The following MDGA2 variants were observed in gnomAD, a reference collection of about 807,000 sequenced individuals.
The protein encoded by MDGA2 is MAM domain containing glycosylphosphatidylinositol anchor 2.
In MDGA2, 40 loss-of-function variants were observed where a neutral mutation model predicts 117.8. That is an observed-to-expected ratio of 0.34 (90% CI 0.26 to 0.44). The LOEUF (loss-of-function observed/expected upper bound fraction) is 0.44. MDGA2 is among the 20% of genes least tolerant of loss of function. The pLI is 1.00. For missense variants in MDGA2, 1,123 were observed against 1,250.6 expected (o/e 0.90, Z 1.54); for synonymous variants, 452 against 439.0 (o/e 1.03, Z -0.37).
intron 4 of MDGA2, among the ~76,000 whole-genome samples, chr14:47,132,285 CAAAT>C (rs1882243416): frequency 6.6e-6 from 1 of 151,766 alleles, no homozygotes; most frequent in Non-Finnish European, 1.5e-5. Context: ...GAAGCGCCAA[CAAAT>C]GAAACACGGT....
At chr14:47,069,475 C>A (rs775240313) in intron 6 of MDGA2, among the ~76,000 whole-genome samples, 1 of 152,168 alleles carries the variant, frequency 6.6e-6, no homozygotes, top group Non-Finnish European at 1.5e-5. Flanking sequence ...CATTTGAGTT[C>A]TATCTATCAC....
At chr14:46,899,551 T>A (rs1330034989) in intron 10 of MDGA2, among the ~76,000 whole-genome samples, 1 of 151,620 alleles carries the variant, frequency 6.6e-6, no homozygotes, top group Non-Finnish European at 1.5e-5. Context: ...GAATATGCAC[T>A]CACCAAGAAT....
At chr14:46,849,196 A>G (rs1880963081) in intron 15 of MDGA2, among the ~76,000 whole-genome samples, 1 of 151,984 alleles carries the variant, frequency 6.6e-6, no homozygotes. Flanking sequence ...GTGATGATAA[A>G]GAATCTATTT....
Position 47,362,014 on chromosome 14 carries a change from T to C in MDGA2, c.281-60464A>G, listed in dbSNP as rs111892696. On this transcript the variant is annotated intron_variant, in intron 1 of 16. Transcript: ENST00000399232. ...TGTTTTAACATTATACTTTGCAAAA[T>C]AGAAAGTTTGTAACCTCCAATGAGA... Among the ~76,000 whole-genome samples, 47 of 152,288 alleles carry C rather than the reference T, an allele frequency of 3.1e-4. 2 individuals carry two copies. Among genetic ancestry groups the C allele is most frequent in the African/African-American group, 1.1e-3 (46 of 41,544 alleles).
At chr14:47,561,151 TTGTTTTGTTTTG>T (rs1426046138) in intron 1 of MDGA2, among the ~76,000 whole-genome samples, 3 of 93,806 alleles carry the variant, frequency 3.2e-5, no homozygotes, top group African/African-American at 9.9e-5. Flanking sequence ...GTTTTTTTTT[TTGTTTTGTTTTG>T]TTTTTTTGTT....
chr14:47,026,612 A>T (rs538644927), intron 8 of MDGA2, among the ~76,000 whole-genome samples: 2 of 152,130 alleles, frequency 1.3e-5, no homozygotes, highest in Non-Finnish European at 2.9e-5. Context: ...TATTATTATT[A>T]CCTTTGTGTT....
intron 10 of MDGA2, among the ~76,000 whole-genome samples, chr14:46,909,882 T>G (rs1343788083): frequency 2.0e-5 from 3 of 152,078 alleles, no homozygotes; most frequent in East Asian, 1.9e-4. Context: ...TAGCTTAAGA[T>G]CTGTAGAACA....
intron 9 of MDGA2, among the ~76,000 whole-genome samples, chr14:46,935,833 G>A (rs1434188841): frequency 6.6e-6 from 1 of 152,076 alleles, no homozygotes; most frequent in East Asian, 1.9e-4. Flanking sequence ...AAGTGTTTGG[G>A]TTGACATGGA....
chr14:47,441,677 A>G (rs1452819756), intron 1 of MDGA2, among the ~76,000 whole-genome samples: 1 of 152,192 alleles, frequency 6.6e-6, no homozygotes, highest in East Asian at 1.9e-4. Flanking sequence ...TCATGGGTAC[A>G]AACAACATAC....
intron 1 of MDGA2, among the ~76,000 whole-genome samples, chr14:47,474,929 T>C (rs1277472879): frequency 1.3e-5 from 2 of 152,052 alleles, no homozygotes; most frequent in African/African-American, 4.8e-5. Flanking sequence ...TGGGTGAAGA[T>C]TTCATGACGA....
At chr14:47,076,215 A>G (rs934414077) in intron 6 of MDGA2, among the ~76,000 whole-genome samples, 6 of 152,124 alleles carry the variant, frequency 3.9e-5, no homozygotes, top group Non-Finnish European at 8.8e-5. Context: ...AAGTTTAATT[A>G]TAACAGATGA....
At chr14:47,612,815 A>C (rs752972516) in intron 1 of MDGA2, among the ~76,000 whole-genome samples, 1 of 152,214 alleles carries the variant, frequency 6.6e-6, no homozygotes, top group Non-Finnish European at 1.5e-5. Context: ...ACAGAATAAA[A>C]TTCATATCTA....
Position 47,144,180 on chromosome 14 carries a change from G to A in MDGA2, c.690C>T (p.Ala230=), listed in dbSNP as rs764905496. ...YERTVFLRCV[A]NSNPPVRYSW... ...TATACCGAACAGGAGGATTGGAATTGGCAACACACCGGAGGAACACTGTTC... is the reference window on the plus strand; with the variant it reads ...TATACCGAACAGGAGGATTGGAATTAGCAACACACCGGAGGAACACTGTTC... The change falls in exon 4 of 17, where the codon GCC becomes GCT. Residue 230 remains alanine, a synonymous_variant. Coordinates refer to ENST00000399232, the MANE Select transcript of MDGA2 (RefSeq NM_001113498.3). The A allele has an allele frequency of 1.2e-5, 19 of 1,551,166 alleles. No individual in the cohort carries two copies. The Admixed American group carries it at 3.1e-4, about 26-fold the overall frequency.
chr14:47,510,457 A>G (rs1216295426), intron 1 of MDGA2, among the ~76,000 whole-genome samples: 1 of 152,222 alleles, frequency 6.6e-6, no homozygotes, highest in Non-Finnish European at 1.5e-5. Flanking sequence ...AAGCAATTCT[A>G]CAAACCTTAA....
intron 1 of MDGA2, among the ~76,000 whole-genome samples, chr14:47,508,533 G>C (rs894865935): frequency 6.6e-6 from 1 of 152,146 alleles, no homozygotes; most frequent in Non-Finnish European, 1.5e-5. Context: ...TGTTGCTGTT[G>C]CATTGATTGT....
At chr14:47,472,943 C>A (rs894693463) in intron 1 of MDGA2, among the ~76,000 whole-genome samples, 2 of 151,956 alleles carry the variant, frequency 1.3e-5, no homozygotes, top group Non-Finnish European at 2.9e-5. Flanking sequence ...TGATAGTATT[C>A]TCCAACCAAT....
intron 8 of MDGA2, among the ~76,000 whole-genome samples, chr14:46,989,332 AGG>A (rs60744731): frequency 3.3e-5 from 5 of 151,278 alleles, no homozygotes; most frequent in Non-Finnish European, 7.4e-5. Flanking sequence ...GAAAAAAAAA[AGG>A]GGGGTATCCT....
chr14:47,372,181 C>T (rs1891374753), intron 1 of MDGA2, among the ~76,000 whole-genome samples: 2 of 151,434 alleles, frequency 1.3e-5, no homozygotes, highest in African/African-American at 4.8e-5. Flanking sequence ...AATATTCTAC[C>T]ACCAGCAGGC....
At chr14:47,301,672 T>G (rs1889290415) in intron 1 of MDGA2, 122 bp from the exon 2 acceptor site, 1 of 1,039,064 alleles carries the variant, frequency 9.6e-7, no homozygotes, top group Non-Finnish European at 1.4e-6. Context: ...ATTAGTCAGA[T>G]TCATCAGTCT....
Sources: gnomAD v4.1 joint callset for allele counts (sites outside exome capture counted in the v4.1 genomes callset) on GRCh38, gnomAD v4.1.1 for gene constraint, MANE v1.5 for transcripts, NCBI Gene and HGNC (gene_info 2026-07-23, HGNC 2026-07-21) for gene names.